Variants in GRK3 observed in about 807,000 individuals in gnomAD.
GRK3 encodes the protein G protein-coupled receptor kinase 3.
A neutral mutation model predicts 95.7 loss-of-function variants in GRK3; 54 were observed. The ratio of observed to expected loss-of-function variants is 0.56; its 90% CI spans 0.45 to 0.71. The LOEUF is 0.71. Ranked by LOEUF, GRK3 falls within the 30% of genes least tolerant of loss-of-function variation. The pLI, the probability that GRK3 is intolerant of heterozygous loss-of-function variation, is 0.00. For synonymous variants in GRK3, 281 were observed against 290.8 expected, an observed-to-expected ratio of 0.97 and a Z score of 0.34; for missense variants, 649 against 851.2, an observed-to-expected ratio of 0.76 and a Z score of 2.96.
chr22:25,666,580 C>A (rs1326012969), intron 5 of GRK3, among the ~76,000 whole-genome samples: 1 of 152,102 alleles, frequency 6.6e-6, no homozygotes, highest in Non-Finnish European at 1.5e-5. Context: ...CACCCCCCAC[C>A]ACCGCCCCCT....
Position 25,690,251 on chromosome 22 carries a change from C to T in GRK3, c.1020C>T (p.Cys340=), listed in dbSNP as rs1344382934. The stretch of plus-strand genomic sequence containing the variant: ...GAATATCAGATCTTGGTCTTGCCTG[C>T]GATTTTTCCAAAAAGAAGCCTCATG... ...HARISDLGLA[C]DFSKKKPHAS... is the part of the protein sequence containing the mutation. The change falls in exon 12 of 21, where the codon TGC becomes TGT. Residue 340 remains cysteine (C), a synonymous_variant. Transcript: ENST00000324198. 5 of 1,613,986 alleles carry T rather than the reference C, an allele frequency of 3.1e-6. No individual in the cohort carries two copies. The highest frequency in any genetic ancestry group is 2.7e-5 in the African/African-American group (2 of 75,028).
At chr22:25,610,421 C>T (rs985665203) in intron 2 of GRK3, among the ~76,000 whole-genome samples, 1 of 152,108 alleles carries the variant, frequency 6.6e-6, no homozygotes, top group Non-Finnish European at 1.5e-5. Flanking sequence ...GAGTCGTGAT[C>T]GCATCACGGC....
rs543125778 is a variant in GRK3 at position 25,619,442 on chromosome 22, A to G, written c.190+14989A>G. Among the ~76,000 whole-genome samples the G allele has an allele frequency of 5.0e-4, 76 of 152,216 alleles. No homozygotes were observed. In the South Asian group the frequency reaches 0.012, roughly 24 times the overall value. On this transcript the variant is annotated intron_variant, in intron 2 of 20. Transcript: ENST00000324198. ...CTGAGGTGGAGTCTACCACACTCCA[A>G]GCTAAAGCTTTTGACCACTATACTA...
At chr22:25,569,717 C>T (rs1000903290) in intron 1 of GRK3, among the ~76,000 whole-genome samples, 3 of 152,198 alleles carry the variant, frequency 2.0e-5, no homozygotes, top group African/African-American at 7.2e-5. Flanking sequence ...TCCCTAGGGT[C>T]CCTGGAGCCC....
At position 25,622,637 on chromosome 22, in the gene GRK3, G is replaced by A. The variant is rs568927742; in HGVS notation, c.190+18184G>A. On this transcript the variant is annotated intron_variant, in intron 2 of 20. Transcript: ENST00000324198. ...GCTCTGGTGGGTCTTGACCAGGCCC[G>A]ATGTATGTTTTAAGATCATTCTAGC... Among the ~76,000 whole-genome samples, 9 of 152,306 alleles carry A rather than the reference G, an allele frequency of 5.9e-5. No homozygotes were observed. The East Asian group carries it at 9.6e-4, about 16-fold the overall frequency.
chr22:25,662,433 T>TA (rs1176330724), intron 4 of GRK3, among the ~76,000 whole-genome samples: 2 of 152,368 alleles, frequency 1.3e-5, no homozygotes, highest in East Asian at 3.9e-4. Flanking sequence ...TACATGGGGC[T>TA]AGTGGCTTTT....
chr22:25,668,476 C>T (rs2084957418), intron 6 of GRK3, among the ~76,000 whole-genome samples: 1 of 152,174 alleles, frequency 6.6e-6, no homozygotes. Context: ...ACTTTAAGAA[C>T]AAATGCTACT....
chr22:25,683,031 G>A (rs1242938290), intron 9 of GRK3, among the ~76,000 whole-genome samples: 1 of 152,246 alleles, frequency 6.6e-6, no homozygotes, highest in Non-Finnish European at 1.5e-5. Flanking sequence ...CAGAAAGCCA[G>A]GTGTGGCTCA....
rs114806928 is a variant in GRK3, at chr22:25,568,626, A to G, written c.113+3473A>G. On this transcript the variant is annotated intron_variant, in intron 1 of 20. Coordinates refer to ENST00000324198, the MANE Select transcript of GRK3 (RefSeq NM_005160.4). ...GTAGAGCCATTTCTATGAGCCAGGC[A>G]CGGGGTACTATGACAAACCCAGCCA... Among the ~76,000 whole-genome samples the G allele has an allele frequency of 3.3e-3, 506 of 152,324 alleles. 2 individuals carry two copies. The highest frequency in any genetic ancestry group is 0.012 in the African/African-American group (481 of 41,570).
chr22:25,687,613 C>T lies in GRK3; in HGVS notation c.903C>T (p.Ile301=). Residue 301 remains isoleucine, a synonymous_variant, in exon 11 of 21, where the codon ATC becomes ATT. Coordinates refer to ENST00000324198, the MANE Select transcript of GRK3 (RefSeq NM_005160.4). The part of the protein sequence containing the change: ...EKEMRFYATE[I]ILGLEHMHNR... The stretch of plus-strand genomic sequence containing the variant: ...AGATGCGGTTTTATGCCACTGAAAT[C>T]ATTCTGGGTCTGGAACACATGCACA... 1.2e-6 allele frequency: 2 copies of T among 1,614,158 alleles called. No individual in the cohort carries two copies. The highest frequency in any genetic ancestry group is 1.7e-6 in the Non-Finnish European group (2 of 1,180,006).
intron 2 of GRK3, among the ~76,000 whole-genome samples, chr22:25,631,934 T>C (rs1191207801): frequency 1.3e-5 from 2 of 152,206 alleles, no homozygotes; most frequent in Non-Finnish European, 2.9e-5. Flanking sequence ...AAGCTTCCAT[T>C]GTATGGATGC....
intron 2 of GRK3, among the ~76,000 whole-genome samples, chr22:25,640,975 G>A (rs2084738747): frequency 6.6e-6 from 1 of 152,114 alleles, no homozygotes; most frequent in South Asian, 2.1e-4. Flanking sequence ...CCCTAATCTA[G>A]GCCATGCTTC....
At chr22:25,581,850 C>A (rs1470273063) in intron 1 of GRK3, among the ~76,000 whole-genome samples, 1 of 152,022 alleles carries the variant, frequency 6.6e-6, no homozygotes, top group Non-Finnish European at 1.5e-5. Context: ...ATAATCTACC[C>A]TCTAAGCATA....
chr22:25,715,572 C>T (rs150142060), intron 18 of GRK3, among the ~76,000 whole-genome samples: 1 of 152,152 alleles, frequency 6.6e-6, no homozygotes, highest in Non-Finnish European at 1.5e-5. Context: ...CTAAACATAA[C>T]ATCAAGTAGG....
chr22:25,632,641 T>G (rs1027160898), intron 2 of GRK3, among the ~76,000 whole-genome samples: 1 of 152,222 alleles, frequency 6.6e-6, no homozygotes, highest in Non-Finnish European at 1.5e-5. Context: ...TACAATTTTA[T>G]AGTTTGAAGA....
Position 25,681,298 on chromosome 22 carries a change from T to C in GRK3, c.747+2383T>C, listed in dbSNP as rs570626771. On this transcript the variant is annotated intron_variant, in intron 9 of 20. Coordinates refer to ENST00000324198, the MANE Select transcript of GRK3 (RefSeq NM_005160.4). ...TGTATTATTCAAATGATGACGGAAA[T>C]GTATGGACAACTGGGACCTGTGGCA... is the stretch of plus-strand genomic sequence containing the variant. Among the ~76,000 whole-genome samples, 11 of 152,280 alleles carry C rather than the reference T, an allele frequency of 7.2e-5. 1 individual carries two copies. The South Asian group carries it at 1.7e-3, about 23-fold the overall frequency.
At chr22:25,607,942 C>T (rs193201500) in intron 2 of GRK3, among the ~76,000 whole-genome samples, 108 of 152,192 alleles carry the variant, frequency 7.1e-4, no homozygotes, top group African/African-American at 2.4e-3. Context: ...TGAGACTTTG[C>T]TCTAACAGCT....
intron 1 of GRK3, among the ~76,000 whole-genome samples, chr22:25,590,960 C>G (rs577114585): frequency 2.2e-4 from 34 of 152,232 alleles, no homozygotes; most frequent in African/African-American, 7.7e-4. Context: ...ATTGTCTTAC[C>G]AGCTGGGCGT....
At chr22:25,604,644 A>T (rs2084431814) in intron 2 of GRK3, among the ~76,000 whole-genome samples, 191 bp downstream of exon 2, 1 of 152,220 alleles carries the variant, frequency 6.6e-6, no homozygotes, top group Admixed American at 6.5e-5. Context: ...TCTATGATTA[A>T]GCTCTTGGGA....
Sources: allele counts gnomAD v4.1 joint callset (sites outside exome capture counted in the v4.1 genomes callset), GRCh38; gene constraint gnomAD v4.1.1; transcripts MANE v1.5; gene names NCBI Gene and HGNC (gene_info 2026-07-23, HGNC 2026-07-21).